CSNK1G1: variants seen among roughly 807,000 people sequenced by gnomAD.
CSNK1G1 encodes casein kinase 1 gamma 1.
CSNK1G1 carries 22 observed loss-of-function variants against 59.6 expected under a neutral mutation model. The observed-to-expected ratio is 0.37, with a 90% CI of 0.26 to 0.53. The LOEUF (loss-of-function observed/expected upper bound fraction) is 0.53, where lower values mean the gene tolerates loss of function less well. CSNK1G1 is among the 20% of genes least tolerant of loss of function. CSNK1G1 has a pLI of 0.89. For synonymous variants in CSNK1G1, 179 were observed against 177.1 expected, an observed-to-expected ratio of 1.01 and a Z score of -0.08; for missense variants, 384 against 519.5, an observed-to-expected ratio of 0.74 and a Z score of 2.54.
chr15:64,352,078 G>A (rs1239892973), intron 1 of CSNK1G1, among the ~76,000 whole-genome samples: 3 of 151,990 alleles, frequency 2.0e-5, no homozygotes, highest in African/African-American at 7.2e-5. Context: ...AGGCCAAGGT[G>A]GGTGGATCAC....
chr15:64,231,308 A>G (rs2082545226), intron 4 of CSNK1G1, among the ~76,000 whole-genome samples: 3 of 148,694 alleles, frequency 2.0e-5, no homozygotes, highest in South Asian at 4.2e-4. Flanking sequence ...CCTAGGTGAC[A>G]GAGCAAAACC....
intron 6 of CSNK1G1, among the ~76,000 whole-genome samples, chr15:64,209,355 T>C (rs2082222772): frequency 6.6e-6 from 1 of 152,148 alleles, no homozygotes; most frequent in Admixed American, 6.5e-5. Context: ...TAACTCAAAA[T>C]ACAGAAGTGC....
intron 3 of CSNK1G1, among the ~76,000 whole-genome samples, chr15:64,253,499 G>C (rs1892200001): frequency 6.6e-6 from 1 of 152,152 alleles, no homozygotes; most frequent in Non-Finnish European, 1.5e-5. Context: ...GACCGCTCTG[G>C]AAAATGGCAT....
At chr15:64,271,894 T>C (rs1459373780) in intron 2 of CSNK1G1, among the ~76,000 whole-genome samples, 3 of 152,212 alleles carry the variant, frequency 2.0e-5, no homozygotes, top group Non-Finnish European at 4.4e-5. Context: ...TACATCTCTT[T>C]GTAGGTATCT....
chr15:64,186,766 C>T (rs1234607156), intron 10 of CSNK1G1, among the ~76,000 whole-genome samples: 1 of 152,162 alleles, frequency 6.6e-6, no homozygotes, highest in African/African-American at 2.4e-5. Context: ...GCCTAGGCTT[C>T]TCAAAATGCT....
intron 1 of CSNK1G1, among the ~76,000 whole-genome samples, chr15:64,337,855 T>C (rs1252975744): frequency 6.6e-6 from 1 of 152,198 alleles, no homozygotes; most frequent in Non-Finnish European, 1.5e-5. Flanking sequence ...ACTTTGTCTT[T>C]GAATTTGTCT....
At position 64,277,869 on chromosome 15, in the gene CSNK1G1, ATAATAATAT is replaced by A. The variant is rs1331091712; in HGVS notation, c.182-18637_182-18629del. On this transcript the variant is annotated intron_variant, in intron 2 of 11. Transcript: ENST00000303052. ...TTTAATAATAATATTGATATATTTAATAATAATATTGATATATTTAATATATTGATATTG... is the reference window on the plus strand; with the variant it reads ...TTTAATAATAATATTGATATATTTAATGATATATTTAATATATTGATATTG... 7.9e-3 allele frequency among the ~76,000 whole-genome samples: 1,109 copies of A among 140,750 alleles called. 29 individuals carry two copies. The highest frequency in any genetic ancestry group is 0.028 in the African/African-American group (1,060 of 38,114). The allele number at this position is 140,750 out of a possible 152,430, so 92.3% of individuals were successfully genotyped here.
At chr15:64,307,598 C>A (rs929241141) in intron 1 of CSNK1G1, among the ~76,000 whole-genome samples, 1 of 152,138 alleles carries the variant, frequency 6.6e-6, no homozygotes, top group African/African-American at 2.4e-5. Context: ...TACATACACA[C>A]CACAGTATAT....
At chr15:64,345,568 A>G (rs191560730) in intron 1 of CSNK1G1, among the ~76,000 whole-genome samples, 8 of 152,336 alleles carry the variant, frequency 5.3e-5, no homozygotes, top group African/African-American at 1.9e-4. Flanking sequence ...TTTAGCTCAT[A>G]CTTCCTAAGA....
At chr15:64,253,138 G>A (rs954584764) in intron 3 of CSNK1G1, among the ~76,000 whole-genome samples, 8 of 151,714 alleles carry the variant, frequency 5.3e-5, no homozygotes, top group African/African-American at 1.9e-4. Flanking sequence ...TGAGCCCAGG[G>A]GTTCGAGACC....
At chr15:64,334,929 A>C (rs1254417613) in intron 1 of CSNK1G1, among the ~76,000 whole-genome samples, 3 of 152,230 alleles carry the variant, frequency 2.0e-5, no homozygotes, top group Non-Finnish European at 4.4e-5. Context: ...CAAAAAGTGT[A>C]CTTCTATAAC....
intron 2 of CSNK1G1, among the ~76,000 whole-genome samples, chr15:64,260,359 C>T (rs540939238): frequency 2.0e-5 from 3 of 151,532 alleles, no homozygotes; most frequent in Admixed American, 1.3e-4. Flanking sequence ...TAATACATAG[C>T]GGAATATATG....
Position 64,176,803 on chromosome 15 carries a change from G to A in CSNK1G1, c.1214+3545C>T, listed in dbSNP as rs1384694705. Among the ~76,000 whole-genome samples the A allele has an allele frequency of 6.6e-6, 1 of 152,182 alleles. No homozygotes were observed. The highest frequency in any genetic ancestry group is 1.5e-5 in the Non-Finnish European group (1 of 68,030). ...GCAGTTAGCTCTTCCTCTAGAGAGG[G>A]AGAAAAGGTTTAAGCGACACTTACT... is the stretch of plus-strand genomic sequence containing the variant. On this transcript the variant is annotated intron_variant, in intron 11 of 11. Transcript: ENST00000303052. This position sits in a 1 kb window ranked among gnomAD's most constrained non-coding sequence, Gnocchi z 5.2.
At chr15:64,313,777 A>G (rs2140426407) in intron 1 of CSNK1G1, among the ~76,000 whole-genome samples, 1 of 151,368 alleles carries the variant, frequency 6.6e-6, no homozygotes, top group East Asian at 1.9e-4. Context: ...AAGAAAAAAA[A>G]TCTCCTGCTG....
intron 4 of CSNK1G1, among the ~76,000 whole-genome samples, chr15:64,224,869 TAC>T (rs780984250): frequency 3.5e-4 from 53 of 152,106 alleles, no homozygotes; most frequent in Non-Finnish European, 6.5e-4. Flanking sequence ...CTCTATTACA[TAC>T]ACATAATTAT....
At chr15:64,237,828 G>A (rs2082635841) in intron 4 of CSNK1G1, among the ~76,000 whole-genome samples, 1 of 152,148 alleles carries the variant, frequency 6.6e-6, no homozygotes, top group African/African-American at 2.4e-5. Context: ...TATCTTTTAT[G>A]AGGGCATATA....
intron 4 of CSNK1G1, among the ~76,000 whole-genome samples, chr15:64,247,449 A>G (rs1452943462): frequency 6.6e-6 from 1 of 152,170 alleles, no homozygotes; most frequent in African/African-American, 2.4e-5. Context: ...TTCTTCCCTG[A>G]TTATCTTGGA....
At chr15:64,298,833 C>G (rs1895161293) in intron 2 of CSNK1G1, among the ~76,000 whole-genome samples, 1 of 150,824 alleles carries the variant, frequency 6.6e-6, no homozygotes, top group Non-Finnish European at 1.5e-5. Flanking sequence ...GAGGTCAAGA[C>G]CAGCCTGGCC....
At chr15:64,182,521 T>C (rs1166068454) in intron 10 of CSNK1G1, among the ~76,000 whole-genome samples, 1 of 152,216 alleles carries the variant, frequency 6.6e-6, no homozygotes, top group Non-Finnish European at 1.5e-5. Flanking sequence ...GATTAAATCC[T>C]GGACACTACA....
Sources: allele counts gnomAD v4.1 joint callset (sites outside exome capture counted in the v4.1 genomes callset), GRCh38; gene constraint gnomAD v4.1.1; non-coding constraint Gnocchi (gnomAD v3.1); transcripts MANE v1.5; gene names NCBI Gene and HGNC (gene_info 2026-07-23, HGNC 2026-07-21).